The following SEC16B variants were observed in gnomAD, a reference collection of about 807,000 sequenced individuals.
SEC16B encodes the protein protein transport protein Sec16B.
Under a neutral mutation model 141.8 loss-of-function variants are expected in SEC16B, and 115 were observed. That is an observed-to-expected ratio of 0.81 (90% CI 0.70 to 0.95). SEC16B has a LOEUF of 0.95. Among genes scored for constraint, SEC16B ranks in the 40% least tolerant of loss-of-function variants. The probability of loss-of-function intolerance (pLI) is 0.00; values close to 1 mark genes in which losing one functional copy is unlikely to be tolerated. For missense variants in SEC16B, 1,291 were observed against 1,312.3 expected (o/e 0.98, Z 0.25); for synonymous variants, 493 against 492.5 (o/e 1.00, Z -0.01).
intron 11 of SEC16B, among the ~76,000 whole-genome samples, chr1:177,952,958 G>C (rs148959138): frequency 1.3e-5 from 2 of 151,974 alleles, no homozygotes; most frequent in East Asian, 1.9e-4. Context: ...GCCCACCAGT[G>C]GTGCAGCCAT....
In SEC16B at chr1:177,944,612, G is replaced by A. The variant is rs531414219; in HGVS notation, c.1830C>T (p.Phe610=). ...GGCGGCCCAGCATCTGACAGTACTCGAAGATTTCCGTCCTCTGGATTGCCT... is the reference window on the plus strand; with the variant it reads ...GGCGGCCCAGCATCTGACAGTACTCAAAGATTTCCGTCCTCTGGATTGCCT... ...TTEAIQRTEI[F]EYCQMLGRPK... Residue 610 remains phenylalanine, a synonymous_variant, in exon 15 of 26, where the codon TTC becomes TTT. Transcript: ENST00000308284. 6.2e-5 allele frequency: 100 copies of A among 1,613,886 alleles called. No homozygotes were observed. The highest frequency in any genetic ancestry group is 5.2e-4 in the Admixed American group (31 of 60,018).
intron 15 of SEC16B, among the ~76,000 whole-genome samples, chr1:177,942,355 A>G (rs1651343941): frequency 6.6e-6 from 1 of 152,192 alleles, no homozygotes; most frequent in Non-Finnish European, 1.5e-5. Context: ...TCTGATGTAG[A>G]GGCATAGCAC....
chr1:177,946,437 C>A lies in SEC16B; in HGVS notation c.1758G>T (p.Leu586Phe). ...TCGCATACCTGTGGCTGCTGCCCAG[C>A]AAGACCAGATGGTCTGTCTTCACGG... ...HYTVKTDHLVLLGSSHSQEFL... is the reference protein window; with the variant it reads ...HYTVKTDHLVFLGSSHSQEFL... The change falls in exon 14 of 26, where the codon TTG (leucine) becomes TTT (phenylalanine). Residue 586 changes from leucine (L) to phenylalanine (F), a missense_variant. Physicochemically the swap from Leu to Phe is conservative, Grantham distance 22. Around this residue, in one of 3 missense-constraint regions of SEC16B, gnomAD observed 605 missense variants for 614.1 expected, o/e 0.99. Transcript: ENST00000308284. 2.5e-6 allele frequency: 4 copies of A among 1,571,422 alleles called. No individual in the cohort carries two copies. The highest frequency in any genetic ancestry group is 3.5e-6 in the Non-Finnish European group (4 of 1,158,340).
In SEC16B at chr1:177,929,474, T is replaced by A. The variant is rs1650253677; in HGVS notation, c.*384A>T. ...GAATATTGTTCTGAGCCCCTGCCCCTCCCCCTGCTTCCCATTTCTTGCTAC... is the reference window on the plus strand; with the variant it reads ...GAATATTGTTCTGAGCCCCTGCCCCACCCCCTGCTTCCCATTTCTTGCTAC... On this transcript the variant is annotated 3_prime_UTR_variant, in exon 26 of 26. Transcript: ENST00000308284. 8.5e-6 allele frequency: 2 copies of A among 234,146 alleles called. No homozygotes were observed. The highest frequency in any genetic ancestry group is 2.2e-5 in the African/African-American group (1 of 45,218). The allele number at this position is 234,146 out of a possible 1,614,324, so 14.5% of individuals were successfully genotyped here.
chr1:177,977,579 G>A (rs942151345), intron 1 of SEC16B, among the ~76,000 whole-genome samples: 9 of 152,168 alleles, frequency 5.9e-5, no homozygotes, highest in African/African-American at 1.7e-4. Context: ...GAGTCCAGAT[G>A]TTACTTCCTG....
chr1:177,954,408 C>T (rs1176942407), intron 10 of SEC16B, 32 bp from the exon 11 acceptor site: 10 of 1,517,628 alleles, frequency 6.6e-6, no homozygotes, highest in Non-Finnish European at 9.0e-6. Flanking sequence ...TCAAGAGTGC[C>T]TTTCCCACCT....
intron 12 of SEC16B, 61 bp from the exon 13 acceptor site, chr1:177,948,003 G>C: frequency 7.9e-7 from 1 of 1,273,712 alleles, no homozygotes. Flanking sequence ...TGTACATAAA[G>C]AAGGCTGTTG....
At chr1:177,974,374 G>A (rs1368622351), upstream of SEC16B, among the ~76,000 whole-genome samples, 1 of 152,158 alleles carries the variant, frequency 6.6e-6, no homozygotes, top group Non-Finnish European at 1.5e-5. Flanking sequence ...GCTCTGAGGT[G>A]GACATAGAAG....
At chr1:177,960,444 C>T in intron 7 of SEC16B, 41 bp from the exon 8 acceptor site, 1 of 1,371,038 alleles carries the variant, frequency 7.3e-7, no homozygotes, top group Non-Finnish European at 1.0e-6. Context: ...AGACTGTGGC[C>T]ACCCTAGGCC....
chr1:177,960,202 C>A, intron 8 of SEC16B, 140 bp downstream of exon 8: 2 of 655,296 alleles, frequency 3.1e-6, no homozygotes, highest in Non-Finnish European at 5.5e-6. Flanking sequence ...TTCTATCTTG[C>A]AGCACAGAGA....
chr1:177,961,343 A>G, intron 6 of SEC16B: 1 of 510,054 alleles, frequency 2.0e-6, no homozygotes, highest in South Asian at 3.0e-5. Flanking sequence ...AGCACCACTG[A>G]GTGCCTCCTT....
chr1:177,941,326 C>T (rs760070786), intron 16 of SEC16B, among the ~76,000 whole-genome samples: 19 of 152,172 alleles, frequency 1.2e-4, no homozygotes, highest in Non-Finnish European at 1.9e-4. Context: ...AGCACTTGGG[C>T]CTCATCTATG....
intron 4 of SEC16B, 85 bp from the exon 5 acceptor site, chr1:177,964,364 C>CACGCTTTGGAG: frequency 1.1e-6 from 1 of 919,354 alleles, no homozygotes; most frequent in Non-Finnish European, 1.7e-6. Flanking sequence ...CTGACCTGCT[C>CACGCTTTGGAG]CAAAGCGTGG....
At chr1:177,952,467 T>G (rs953836530) in intron 11 of SEC16B, among the ~76,000 whole-genome samples, 1 of 152,212 alleles carries the variant, frequency 6.6e-6, no homozygotes, top group African/African-American at 2.4e-5. Flanking sequence ...AGCCTGGGTC[T>G]GTAGTGCTTT....
chr1:177,945,911 C>G, intron 14 of SEC16B: 1 of 197,170 alleles, frequency 5.1e-6, no homozygotes, highest in Non-Finnish European at 1.0e-5. Context: ...AAGCCTAATG[C>G]TATGGCCAAC....
chr1:177,965,915 T>A lies in SEC16B; in HGVS notation c.390A>T (p.Pro130=), dbSNP rs1889981. 0.23 allele frequency: 366,402 copies of A among 1,588,408 alleles called. 44,070 individuals are homozygous for A. Among genetic ancestry groups the A allele is most frequent in the East Asian group, 0.34 (15,106 of 44,248 alleles). ...AYGSYYYHGH[P]QWLQEERVPR... ...TACCTCTTTCTTCCTGCAGCCACTG[T>A]GGGTGTCCATGATAGTAATAACTTC... The change falls in exon 3 of 26, where the codon CCA becomes CCT. Residue 130 remains proline (P), a synonymous_variant. Coordinates refer to ENST00000308284, the MANE Select transcript of SEC16B (RefSeq NM_033127.4).
At position 177,967,881 on chromosome 1, in the gene SEC16B, C is replaced by T. The variant is rs115945578; in HGVS notation, c.101G>A (p.Arg34Gln). Residue 34 changes from arginine (R) to glutamine (Q), a missense_variant, in exon 2 of 26, where the codon CGG (arginine) becomes CAG (glutamine). Around this residue, in one of 3 missense-constraint regions of SEC16B, gnomAD observed 681 missense variants for 675.5 expected, o/e 1.01. Transcript: ENST00000308284. The stretch of plus-strand genomic sequence containing the variant: ...ATTGTGCCAAGAGTGAGGGACAGGC[C>T]GATGATGTCCATCTCTCCGAAACCC... ...DRGFRRDGHH[R>Q]PVPHSWHNGE... The T allele has an allele frequency of 5.9e-4, 948 of 1,613,884 alleles. 3 individuals are homozygous for T. The African/African-American group carries it at 0.01, about 18-fold the overall frequency.
rs367984985 is a variant in SEC16B at position 177,934,432 on chromosome 1, A to G, written c.2572-796T>C. ...GTTATATTTACATTTTTTACTCTCA[A>G]TAGAGCACAATTGATACAAACCTTT... On this transcript the variant is annotated intron_variant, in intron 20 of 25. Transcript: ENST00000308284. Among the ~76,000 whole-genome samples the G allele has an allele frequency of 4.6e-5, 7 of 152,316 alleles. No homozygotes were observed. In the South Asian group the frequency reaches 1.0e-3, roughly 23 times the overall value.
intron 10 of SEC16B, among the ~76,000 whole-genome samples, chr1:177,955,941 T>G (rs1652567188): frequency 6.6e-6 from 1 of 152,232 alleles, no homozygotes; most frequent in Non-Finnish European, 1.5e-5. Context: ...GGGGGTTTAG[T>G]TAAATTAATT....
Sources: gnomAD v4.1 joint callset for allele counts (sites outside exome capture counted in the v4.1 genomes callset) on GRCh38, gnomAD v4.1.1 for gene constraint, gnomAD v4.1.1 regional missense constraint, MANE v1.5 for transcripts, NCBI Gene and HGNC (gene_info 2026-07-23, HGNC 2026-07-21) for gene names.